The following CPEB3 variants were observed in gnomAD, a reference collection of about 807,000 sequenced individuals.
CPEB3 encodes cytoplasmic polyadenylation element binding protein 3, also known as cytoplasmic polyadenylation element-binding protein 3.
CPEB3 carries 20 observed loss-of-function variants against 67.2 expected under a neutral mutation model. That is an observed-to-expected ratio of 0.30 (90% CI 0.21 to 0.43). The LOEUF (loss-of-function observed/expected upper bound fraction) is 0.43, where lower values mean the gene tolerates loss of function less well. CPEB3 is among the 20% of genes least tolerant of loss of function. CPEB3 has a pLI of 1.00. For synonymous variants in CPEB3, 376 were observed against 393.1 expected (o/e 0.96, Z 0.51); for missense variants, 746 against 968.6 (o/e 0.77, Z 3.05).
intron 3 of CPEB3, among the ~76,000 whole-genome samples, chr10:92,188,263 C>T (rs758735001): frequency 6.9e-6 from 1 of 144,244 alleles, no homozygotes; most frequent in Non-Finnish European, 1.5e-5. Flanking sequence ...CAAAAGCCTC[C>T]TTTCTCATCT....
chr10:92,110,901 A>G (rs2133481071), intron 7 of CPEB3, among the ~76,000 whole-genome samples, 175 bp downstream of exon 7: 1 of 152,366 alleles, frequency 6.6e-6, no homozygotes, highest in Admixed American at 6.5e-5. Flanking sequence ...ATGAATACTG[A>G]GTAATTTGTT....
In CPEB3 at chr10:92,240,278, G is replaced by T; in HGVS notation, c.73C>A (p.Gln25Lys). Reference sequence around the variant, plus strand: ...GATACGCTGGACTCAGGTTGGGGCTGCTGCTGCTGCCGCTGCTGCTGCTGG... The same window carrying T: ...GATACGCTGGACTCAGGTTGGGGCTTCTGCTGCTGCCGCTGCTGCTGCTGG... ...QPQQQQRQQQQPQPESSVSEA... is the reference protein window; with the variant it reads ...QPQQQQRQQQKPQPESSVSEA... The change falls in exon 2 of 10, where the codon CAG becomes AAG. Residue 25 changes from glutamine (Q) to lysine (K), a missense_variant. Around this residue, in one of 2 missense-constraint regions of CPEB3, gnomAD observed 643 missense variants for 717.5 expected, o/e 0.90. Transcript: ENST00000265997. 6.6e-7 allele frequency: 1 copy of T among 1,517,620 alleles called. No individual in the cohort carries two copies. The highest frequency in any genetic ancestry group is 8.8e-7 in the Non-Finnish European group (1 of 1,131,736). 94.0% of individuals were successfully genotyped at this position (1,517,620 alleles called of 1,614,324 possible). A position where few individuals can be genotyped will look rare whatever the true frequency, so the allele number is the denominator to read the frequency against.
At chr10:92,124,093 T>A (rs917227056) in intron 6 of CPEB3, among the ~76,000 whole-genome samples, 27 of 152,168 alleles carry the variant, frequency 1.8e-4, no homozygotes, top group Admixed American at 1.3e-3. Context: ...AGTCTATTTT[T>A]TCCTCAATAA....
intron 7 of CPEB3, among the ~76,000 whole-genome samples, chr10:92,107,946 T>G (rs142924766): frequency 6.6e-6 from 1 of 151,970 alleles, no homozygotes; most frequent in African/African-American, 2.4e-5. Context: ...ATCCACAAAT[T>G]TGGAATTCAT....
At chr10:92,127,537 G>T (rs1028788257) in intron 6 of CPEB3, among the ~76,000 whole-genome samples, 2 of 152,154 alleles carry the variant, frequency 1.3e-5, no homozygotes, top group African/African-American at 4.8e-5. Flanking sequence ...AAATCAGCCA[G>T]GTGTGGTAGC....
intron 1 of CPEB3, among the ~76,000 whole-genome samples, chr10:92,248,814 C>G (rs781102401): frequency 4.6e-5 from 7 of 152,186 alleles, no homozygotes; most frequent in African/African-American, 9.7e-5. Context: ...TGAGCTAAGT[C>G]CAATGGATGT....
chr10:92,177,006 G>T lies in CPEB3; in HGVS notation c.1222+3957C>A, dbSNP rs143630158. ...TTAGTGTATTTTATTTGTGGCCCAGGACAATTATTCTTCCAATGTGGCCCA... is the reference window on the plus strand; with the variant it reads ...TTAGTGTATTTTATTTGTGGCCCAGTACAATTATTCTTCCAATGTGGCCCA... On this transcript the variant is annotated intron_variant, in intron 4 of 9. Transcript: ENST00000265997. Among the ~76,000 whole-genome samples, 275 of 152,306 alleles carry T rather than the reference G, an allele frequency of 1.8e-3. 1 individual carries two copies. The highest frequency in any genetic ancestry group is 6.4e-3 in the African/African-American group (267 of 41,546).
chr10:92,215,661 T>G (rs1290647257), intron 2 of CPEB3, among the ~76,000 whole-genome samples: 1 of 151,468 alleles, frequency 6.6e-6, no homozygotes, highest in East Asian at 1.9e-4. Context: ...CAGGCTGGTC[T>G]CAAACTCCTG....
At chr10:92,272,556 C>T (rs951815244) in intron 1 of CPEB3, among the ~76,000 whole-genome samples, 1 of 152,132 alleles carries the variant, frequency 6.6e-6, no homozygotes. Context: ...TCTAATCCAA[C>T]ATCACAGAGT....
chr10:92,079,441 A>C (rs765492034), intron 9 of CPEB3, among the ~76,000 whole-genome samples: 2 of 152,194 alleles, frequency 1.3e-5, no homozygotes, highest in Non-Finnish European at 2.9e-5. Flanking sequence ...CATGGAGTTC[A>C]GTTTGGTACC....
intron 6 of CPEB3, among the ~76,000 whole-genome samples, chr10:92,142,017 C>CAA (rs1307913210): frequency 2.0e-5 from 1 of 49,036 alleles, no homozygotes. Flanking sequence ...GACTCCGTCT[C>CAA]AAAAAAAAAA....
chr10:92,121,171 G>A (rs1046491458), intron 6 of CPEB3, among the ~76,000 whole-genome samples: 3 of 151,562 alleles, frequency 2.0e-5, no homozygotes, highest in Non-Finnish European at 4.4e-5. Flanking sequence ...ACCACACCCA[G>A]CTAATTTTTT....
chr10:92,136,166 A>T (rs913513662), intron 6 of CPEB3, among the ~76,000 whole-genome samples: 4 of 152,006 alleles, frequency 2.6e-5, no homozygotes, highest in African/African-American at 9.7e-5. Context: ...ATAATAATAA[A>T]AAAAAAACTT....
At chr10:92,173,663 T>C (rs1300257591) in intron 4 of CPEB3, among the ~76,000 whole-genome samples, 1 of 152,126 alleles carries the variant, frequency 6.6e-6, no homozygotes, top group Non-Finnish European at 1.5e-5. Context: ...TGCTCCTAGC[T>C]CCATATCACC....
intron 1 of CPEB3, among the ~76,000 whole-genome samples, chr10:92,263,874 T>C (rs576207440): frequency 6.6e-6 from 1 of 152,260 alleles, no homozygotes; most frequent in South Asian, 2.1e-4. Flanking sequence ...AATTTCCTCA[T>C]CATCTGGTGA....
intron 9 of CPEB3, among the ~76,000 whole-genome samples, chr10:92,065,783 GT>G: frequency 6.6e-6 from 1 of 152,204 alleles, no homozygotes; most frequent in South Asian, 2.1e-4. Flanking sequence ...TCACACCTGG[GT>G]TTTGCCTGTC....
chr10:92,269,217 C>G (rs1382815601), intron 1 of CPEB3, among the ~76,000 whole-genome samples: 1 of 151,894 alleles, frequency 6.6e-6, no homozygotes, highest in African/African-American at 2.4e-5. Context: ...TTCCCAGCAG[C>G]TAAGGGATCA....
intron 2 of CPEB3, among the ~76,000 whole-genome samples, chr10:92,215,509 T>C (rs1850318442): frequency 6.7e-6 from 1 of 149,492 alleles, no homozygotes. Context: ...TGGTGTGATC[T>C]TGACTCACTG....
intron 9 of CPEB3, among the ~76,000 whole-genome samples, chr10:92,052,803 C>T (rs891919514): frequency 1.3e-5 from 2 of 152,126 alleles, no homozygotes; most frequent in South Asian, 2.1e-4. Flanking sequence ...GGGCTGTGCA[C>T]GTCAAAGCGC....
Sources: allele counts gnomAD v4.1 joint callset (sites outside exome capture counted in the v4.1 genomes callset), GRCh38; gene constraint gnomAD v4.1.1; regional missense constraint gnomAD v4.1.1; transcripts MANE v1.5; gene names NCBI Gene and HGNC (gene_info 2026-07-23, HGNC 2026-07-21).